Variants in TBXAS1 observed in about 807,000 individuals in gnomAD.
TBXAS1 encodes the protein thromboxane-A synthase.
A neutral mutation model predicts 60.7 loss-of-function variants in TBXAS1; 48 were observed. That is an observed-to-expected ratio of 0.79 (90% confidence interval 0.63 to 1.01). TBXAS1 has a LOEUF of 1.01. TBXAS1 is among the 50% of genes least tolerant of loss of function. The pLI is 0.00. For synonymous variants in TBXAS1, 287 were observed against 269.7 expected (o/e 1.06, Z -0.63); for missense variants, 685 against 686.3 (o/e 1.00, Z 0.02).
At chr7:139,981,358 C>T (rs1234967286) in intron 9 of TBXAS1, among the ~76,000 whole-genome samples, 5 of 152,270 alleles carry the variant, frequency 3.3e-5, no homozygotes, top group South Asian at 2.1e-4. Flanking sequence ...TCAGGTGATC[C>T]GCCTGCGTCG....
At chr7:139,943,878 A>T (rs553149302) in intron 5 of TBXAS1, among the ~76,000 whole-genome samples, 106 of 152,156 alleles carry the variant, frequency 7.0e-4, no homozygotes, top group African/African-American at 2.1e-3. Context: ...TTTCATTTTA[A>T]AAAAAAACCC....
At chr7:139,951,172 A>T (rs1307466824) in intron 5 of TBXAS1, among the ~76,000 whole-genome samples, 1 of 152,162 alleles carries the variant, frequency 6.6e-6, no homozygotes, top group Non-Finnish European at 1.5e-5. Context: ...AAAAATCGAA[A>T]TAGCAATTGT....
In TBXAS1 at chr7:139,961,829, CCCATGTATCTTCCT is replaced by C. The variant is rs1378847778; in HGVS notation, c.820-87_820-74del. 17 of 1,497,812 alleles carry C rather than the reference CCCATGTATCTTCCT, an allele frequency of 1.1e-5. No individual in the cohort carries two copies. In the African/African-American group the frequency reaches 2.2e-4, roughly 19 times the overall value. The allele number at this position is 1,497,812 out of a possible 1,614,324, so 92.8% of individuals were successfully genotyped here. A position where few individuals can be genotyped will look rare whatever the true frequency, so the allele number is the denominator to read the frequency against. On this transcript the variant is annotated intron_variant, in intron 8 of 12. Transcript: ENST00000448866. ...GCTACTGAGCTCTTCAAAAGCTATG[CCCATGTATCTTCCT>C]CCTTTGTTCTCCAGGAAGCCTCACT...
chr7:139,947,216 A>G (rs1808792031), intron 5 of TBXAS1, among the ~76,000 whole-genome samples: 1 of 152,196 alleles, frequency 6.6e-6, no homozygotes, highest in African/African-American at 2.4e-5. Context: ...CATATATGGC[A>G]TGGAATACTA....
chr7:139,825,345 C>T (rs1310218825), upstream of TBXAS1, among the ~76,000 whole-genome samples: 1 of 152,166 alleles, frequency 6.6e-6, no homozygotes, highest in East Asian at 1.9e-4. Context: ...CCCTTCCACT[C>T]CATCCTGGCT....
At chr7:139,791,537 A>G (rs1797380786) in intron 4 of TBXAS1, among the ~76,000 whole-genome samples, 1 of 152,214 alleles carries the variant, frequency 6.6e-6, no homozygotes, top group Admixed American at 6.5e-5. Context: ...ACTAAAAATA[A>G]TGTCTGAGTT....
chr7:139,973,958 A>G (rs1300644819), intron 9 of TBXAS1, among the ~76,000 whole-genome samples: 3 of 152,212 alleles, frequency 2.0e-5, no homozygotes, highest in Non-Finnish European at 4.4e-5. Context: ...ATCCTGCAAA[A>G]GAATCCTTAT....
chr7:139,833,780 C>T (rs1798880022), intron 1 of TBXAS1, among the ~76,000 whole-genome samples: 1 of 152,134 alleles, frequency 6.6e-6, no homozygotes. Context: ...AACATATATG[C>T]ACCTAAAACT....
chr7:139,824,605 T>C (rs1468686646), upstream of TBXAS1, among the ~76,000 whole-genome samples: 1 of 152,144 alleles, frequency 6.6e-6, no homozygotes, highest in Non-Finnish European at 1.5e-5. Flanking sequence ...ACATATTCAT[T>C]ATACAATAAG....
intron 10 of TBXAS1, among the ~76,000 whole-genome samples, chr7:140,014,912 A>G (rs570933145): frequency 1.4e-4 from 22 of 151,886 alleles, no homozygotes; most frequent in Admixed American, 5.2e-4. Context: ...CTGTCTCAAA[A>G]AAAAAGAAGA....
Position 139,911,278 on chromosome 7 carries a change from A to G in TBXAS1, c.290A>G (p.Lys97Arg). The change falls in exon 4 of 13, where the codon AAG becomes AGG. Residue 97 changes from lysine (K) to arginine (R), a missense_variant. Transcript: ENST00000448866. Reference protein sequence around the residue: ...FIVISEPDMIKQVLVENFSNF... With the variant: ...FIVISEPDMIRQVLVENFSNF... ...GTTATTTCTGAGCCAGACATGATCA[A>G]GCAGGTGTTGGTTGAGAACTTCAGT... The G allele has an allele frequency of 6.2e-7, 1 of 1,614,186 alleles. No individual in the cohort carries two copies. The highest frequency in any genetic ancestry group is 2.2e-5 in the East Asian group (1 of 44,880).
intron 1 of TBXAS1, among the ~76,000 whole-genome samples, chr7:139,833,392 A>C (rs560133367): frequency 6.6e-6 from 1 of 151,938 alleles, no homozygotes; most frequent in Non-Finnish European, 1.5e-5. Context: ...GTTAAAAGAG[A>C]CAAAGAGGGG....
At chr7:139,870,033 G>C (rs1291093332) in intron 1 of TBXAS1, among the ~76,000 whole-genome samples, 1 of 152,174 alleles carries the variant, frequency 6.6e-6, no homozygotes, top group East Asian at 1.9e-4. Flanking sequence ...GGCAATATTT[G>C]GCCAGTTTCC....
At chr7:140,019,615 T>C (rs531980066) in intron 12 of TBXAS1, among the ~76,000 whole-genome samples, 4 of 152,308 alleles carry the variant, frequency 2.6e-5, no homozygotes, top group East Asian at 1.9e-4. Flanking sequence ...TGGCTCATCA[T>C]TTTACTCAGC....
chr7:139,866,721 G>A (rs1308117904), intron 1 of TBXAS1, among the ~76,000 whole-genome samples: 1 of 151,896 alleles, frequency 6.6e-6, no homozygotes, highest in East Asian at 1.9e-4. Context: ...TCACACCACT[G>A]CACTCCAGCT....
intron 9 of TBXAS1, among the ~76,000 whole-genome samples, chr7:140,001,753 T>G (rs1032050212): frequency 6.6e-6 from 1 of 152,206 alleles, no homozygotes; most frequent in Non-Finnish European, 1.5e-5. Context: ...AAAATGAATG[T>G]TCATTCCTTG....
chr7:139,891,079 A>G (rs1464154580), intron 3 of TBXAS1, among the ~76,000 whole-genome samples: 1 of 151,960 alleles, frequency 6.6e-6, no homozygotes, highest in Non-Finnish European at 1.5e-5. Flanking sequence ...GCTGCCTGAC[A>G]TGCCACGGAT....
chr7:139,964,679 T>C (rs1810643401), intron 9 of TBXAS1, among the ~76,000 whole-genome samples: 1 of 152,230 alleles, frequency 6.6e-6, no homozygotes. Flanking sequence ...GCAGAAGCTC[T>C]AAGAGATAGA....
At chr7:139,984,680 AAG>A (rs373950218) in intron 9 of TBXAS1, among the ~76,000 whole-genome samples, 1 of 143,570 alleles carries the variant, frequency 7.0e-6, no homozygotes, top group Non-Finnish European at 1.5e-5. Context: ...AGAAGAAAAG[AAG>A]AAGAAAGAAA....
Sources: gnomAD v4.1 joint callset for allele counts (sites outside exome capture counted in the v4.1 genomes callset) on GRCh38, gnomAD v4.1.1 for gene constraint, MANE v1.5 for transcripts, NCBI Gene and HGNC (gene_info 2026-07-23, HGNC 2026-07-21) for gene names.